PPARGC1A: variants seen among roughly 807,000 people sequenced by gnomAD.
PPARGC1A encodes the protein peroxisome proliferator-activated receptor gamma coactivator 1-alpha.
Under a neutral mutation model 88.7 loss-of-function variants are expected in PPARGC1A, and 25 were observed. The ratio of observed to expected loss-of-function variants is 0.28; its 90% CI spans 0.21 to 0.39. The LOEUF (loss-of-function observed/expected upper bound fraction) is 0.39, where lower values mean the gene tolerates loss of function less well. PPARGC1A is among the 10% of genes least tolerant of loss of function. The pLI, the probability that PPARGC1A is intolerant of heterozygous loss-of-function variation, is 1.00. For synonymous variants in PPARGC1A, 363 were observed against 355.6 expected (o/e 1.02, Z -0.24); for missense variants, 880 against 968.7 (o/e 0.91, Z 1.22).
the PPARGC1A span, among the ~76,000 whole-genome samples, chr4:23,925,251 T>C: frequency 1.3e-5 from 2 of 152,144 alleles, no homozygotes. Context: ...TATCAATCAA[T>C]CTAGGGTTCC....
At chr4:24,213,796 T>C in the PPARGC1A span, among the ~76,000 whole-genome samples, 5 of 152,240 alleles carry the variant, frequency 3.3e-5, no homozygotes, top group Non-Finnish European at 4.4e-5. Context: ...ATATTCTTAA[T>C]TGATTATCTA....
At chr4:24,299,584 G>A in the PPARGC1A span, among the ~76,000 whole-genome samples, 1 of 152,064 alleles carries the variant, frequency 6.6e-6, no homozygotes, top group Admixed American at 6.6e-5. Context: ...TCTAAAAATT[G>A]TGAGCTACCT....
chr4:24,337,899 A>C, the PPARGC1A span, among the ~76,000 whole-genome samples: 1 of 152,246 alleles, frequency 6.6e-6, no homozygotes, highest in East Asian at 1.9e-4. Flanking sequence ...AATGACAAAG[A>C]GAGGTGCAAC....
the PPARGC1A span, among the ~76,000 whole-genome samples, chr4:24,245,925 G>GTGCA: frequency 7.4e-5 from 11 of 148,384 alleles, no homozygotes; most frequent in African/African-American, 2.5e-4. Context: ...AAAGCCATGT[G>GTGCA]CACACACACA....
intron 3 of PPARGC1A, 142 bp from the exon 4 acceptor site, chr4:23,829,727 G>T (rs976624428): frequency 4.1e-6 from 3 of 730,730 alleles, no homozygotes. Context: ...ACACCTTAGC[G>T]CAATAGTGCT....
At chr4:24,047,000 G>T in the PPARGC1A span, among the ~76,000 whole-genome samples, 1 of 152,066 alleles carries the variant, frequency 6.6e-6, no homozygotes, top group African/African-American at 2.4e-5. Flanking sequence ...GGCCGGTGGT[G>T]GTTGTTGATC....
chr4:24,299,478 C>T, the PPARGC1A span, among the ~76,000 whole-genome samples: 1 of 152,072 alleles, frequency 6.6e-6, no homozygotes, highest in African/African-American at 2.4e-5. Flanking sequence ...TGCCCTGGAG[C>T]AGTAATTTGC....
chr4:24,000,676 C>T, the PPARGC1A span, among the ~76,000 whole-genome samples: 1 of 152,030 alleles, frequency 6.6e-6, no homozygotes, highest in African/African-American at 2.4e-5. Flanking sequence ...CGTGACAGGA[C>T]TTATTGGATT....
chr4:24,007,666 C>A, the PPARGC1A span, among the ~76,000 whole-genome samples: 1 of 152,096 alleles, frequency 6.6e-6, no homozygotes, highest in South Asian at 2.1e-4. Flanking sequence ...GCCCAAAGAA[C>A]ATGGGAGGCA....
chr4:24,435,171 C>T, the PPARGC1A span, among the ~76,000 whole-genome samples: 28 of 152,326 alleles, frequency 1.8e-4, no homozygotes, highest in African/African-American at 6.7e-4. Context: ...TATACCTAGA[C>T]TTCAGTTCCT....
At chr4:23,954,365 G>A in the PPARGC1A span, among the ~76,000 whole-genome samples, 6 of 151,750 alleles carry the variant, frequency 4.0e-5, no homozygotes, top group Admixed American at 1.3e-4. Flanking sequence ...TTTAAGCAAC[G>A]GTCATTTTAG....
chr4:24,472,462 G>A, the PPARGC1A span, among the ~76,000 whole-genome samples: 1 of 152,110 alleles, frequency 6.6e-6, no homozygotes, highest in Admixed American at 6.5e-5. The surrounding 1 kb of genome is among the most constrained non-coding windows in gnomAD (Gnocchi z 4.5). Flanking sequence ...AGCCCGCCAT[G>A]CTCTGGATGC....
chr4:24,165,370 A>G, the PPARGC1A span, among the ~76,000 whole-genome samples: 1 of 152,154 alleles, frequency 6.6e-6, no homozygotes, highest in East Asian at 1.9e-4. Flanking sequence ...CAATTTACAA[A>G]CGTTTTTCAA....
rs200294810 is a variant in PPARGC1A, at chr4:23,828,563, T to C, written c.594A>G (p.Gln198=). 8 of 1,614,208 alleles carry C rather than the reference T, an allele frequency of 5.0e-6. No homozygotes were observed. The highest frequency in any genetic ancestry group is 4.2e-6 in the Non-Finnish European group (5 of 1,180,026). Reference sequence around the variant, plus strand: ...AGGGACGTCTTTGTGGCTTTTGCTGTTGACAAATACTCTTCGCTTTATTGC... The same window carrying C: ...AGGGACGTCTTTGTGGCTTTTGCTGCTGACAAATACTCTTCGCTTTATTGC... The part of the protein sequence containing the change: ...SWSNKAKSIC[Q]QQKPQRRPCS... Residue 198 remains glutamine (Q), a synonymous_variant, in exon 5 of 13, where the codon CAA becomes CAG. Transcript: ENST00000264867.
the PPARGC1A span, among the ~76,000 whole-genome samples, chr4:24,013,961 T>C: frequency 6.6e-6 from 1 of 152,018 alleles, no homozygotes; most frequent in Non-Finnish European, 1.5e-5. Flanking sequence ...GGAAAGAGCA[T>C]TAAAAAAGAA....
the PPARGC1A span, among the ~76,000 whole-genome samples, chr4:24,253,011 G>A: frequency 1.3e-5 from 2 of 152,058 alleles, no homozygotes; most frequent in African/African-American, 4.8e-5. Context: ...CATTGTATTT[G>A]TAATTGGACT....
the PPARGC1A span, among the ~76,000 whole-genome samples, chr4:24,436,448 GATT>G: frequency 6.6e-6 from 1 of 150,642 alleles, no homozygotes; most frequent in African/African-American, 2.5e-5. Flanking sequence ...AGCTGACATC[GATT>G]GGCCATCCCA....
the PPARGC1A span, among the ~76,000 whole-genome samples, chr4:24,267,306 T>C: frequency 1.3e-5 from 2 of 152,178 alleles, no homozygotes; most frequent in Non-Finnish European, 2.9e-5. Context: ...GTTATTTCGG[T>C]ACAATGTAGC....
the PPARGC1A span, among the ~76,000 whole-genome samples, chr4:24,294,832 G>A: frequency 2.0e-5 from 3 of 152,148 alleles, no homozygotes; most frequent in South Asian, 2.1e-4. Context: ...CAGGCAAATC[G>A]TATCCATAAC....
Sources: gnomAD v4.1 joint callset for allele counts (sites outside exome capture counted in the v4.1 genomes callset) on GRCh38, gnomAD v4.1.1 for gene constraint, Gnocchi (gnomAD v3.1) non-coding constraint, MANE v1.5 for transcripts, NCBI Gene and HGNC (gene_info 2026-07-23, HGNC 2026-07-21) for gene names.